The following MTPN variants were observed in gnomAD, a reference collection of about 807,000 sequenced individuals.
MTPN encodes the protein granule cell differentiation protein.
MTPN carries 2 observed loss-of-function variants against 13.5 expected under a neutral mutation model. The observed-to-expected ratio is 0.15, with a 90% CI of 0.06 to 0.47. MTPN has a LOEUF of 0.47. Ranked by LOEUF, MTPN falls within the 20% of genes least tolerant of loss-of-function variation. MTPN has a pLI of 0.97. For synonymous variants in MTPN, 46 were observed against 51.7 expected, an observed-to-expected ratio of 0.89 and a Z score of 0.48; for missense variants, 79 against 137.9, an observed-to-expected ratio of 0.57 and a Z score of 2.14.
chr7:135,939,308 C>G (rs1037096086), intron 3 of MTPN, among the ~76,000 whole-genome samples: 1 of 152,104 alleles, frequency 6.6e-6, no homozygotes, highest in African/African-American at 2.4e-5. Flanking sequence ...GCTGGGATTT[C>G]CCAGGCAGCT....
At chr7:135,941,460 C>G (rs574808214) in intron 3 of MTPN, among the ~76,000 whole-genome samples, 35 of 135,962 alleles carry the variant, frequency 2.6e-4, no homozygotes, top group Admixed American at 1.9e-3. Flanking sequence ...ATGCTGTTGT[C>G]TCATCTCTTT....
intron 1 of MTPN, among the ~76,000 whole-genome samples, chr7:135,971,660 T>C (rs1028733786): frequency 3.3e-5 from 5 of 152,204 alleles, no homozygotes; most frequent in Non-Finnish European, 5.9e-5. Flanking sequence ...TTATTAATAA[T>C]GCTCATGGCT....
At chr7:135,959,425 AAC>A (rs1397936454) in intron 1 of MTPN, among the ~76,000 whole-genome samples, 1 of 152,170 alleles carries the variant, frequency 6.6e-6, no homozygotes, top group Non-Finnish European at 1.5e-5. Context: ...TGTAAACACT[AAC>A]AATCATTCCC....
At chr7:135,951,391 A>C (rs1799361865) in intron 2 of MTPN, 126 bp downstream of exon 2, 5 of 505,260 alleles carry the variant, frequency 9.9e-6, no homozygotes. Flanking sequence ...ATTTGGCATA[A>C]TTTCAGACTG....
chr7:135,970,353 C>T (rs1168804577), intron 1 of MTPN, among the ~76,000 whole-genome samples: 1 of 152,148 alleles, frequency 6.6e-6, no homozygotes, highest in Non-Finnish European at 1.5e-5. Flanking sequence ...CTTTACCTTT[C>T]AGTCCTAACT....
At chr7:135,971,081 T>C (rs1179154858) in intron 1 of MTPN, among the ~76,000 whole-genome samples, 1 of 152,210 alleles carries the variant, frequency 6.6e-6, no homozygotes, top group East Asian at 1.9e-4. Flanking sequence ...AAGATTAGAG[T>C]TGATATCTTT....
At chr7:135,960,069 A>G (rs1799498532) in intron 1 of MTPN, among the ~76,000 whole-genome samples, 1 of 152,102 alleles carries the variant, frequency 6.6e-6, no homozygotes, top group Non-Finnish European at 1.5e-5. Flanking sequence ...AGTTTTGGGA[A>G]CTGTGGCAAG....
chr7:135,969,109 G>A (rs1799652691), intron 1 of MTPN, among the ~76,000 whole-genome samples: 1 of 129,508 alleles, frequency 7.7e-6, no homozygotes, highest in Non-Finnish European at 1.6e-5. Context: ...GAGGAGGGAG[G>A]GATAGCATTG....
rs1017948573 is a variant in MTPN, at chr7:135,929,791, T to C, written c.*135A>G. 8 of 856,896 alleles carry C rather than the reference T, an allele frequency of 9.3e-6. No homozygotes were observed. The highest frequency in any genetic ancestry group is 1.5e-5 in the Non-Finnish European group (8 of 533,002). 53.1% of individuals were successfully genotyped at this position (856,896 alleles called of 1,614,324 possible). A position where few individuals can be genotyped will look rare whatever the true frequency, so the allele number is the denominator to read the frequency against. ...TTTTTTCTGGTAGTCGGATTTGTTA[T>C]GAATTTCTCTCTCCCCTCACCCCTC... On this transcript the variant is annotated 3_prime_UTR_variant, in exon 4 of 4. Coordinates refer to ENST00000393085, the MANE Select transcript of MTPN (RefSeq NM_145808.4).
chr7:135,933,809 A>G (rs1325426146), intron 3 of MTPN, among the ~76,000 whole-genome samples: 5 of 152,142 alleles, frequency 3.3e-5, no homozygotes, highest in South Asian at 4.1e-4. Context: ...ATAATTCCCA[A>G]TGTTGGAGGT....
intron 1 of MTPN, among the ~76,000 whole-genome samples, chr7:135,953,599 AAT>A (rs2116379812): frequency 6.6e-6 from 1 of 152,322 alleles, no homozygotes; most frequent in African/African-American, 2.4e-5. Flanking sequence ...CTATGTATGT[AAT>A]AGGTATACTC....
intron 1 of MTPN, among the ~76,000 whole-genome samples, chr7:135,957,745 C>T (rs1474510277): frequency 2.0e-5 from 3 of 152,162 alleles, no homozygotes; most frequent in Non-Finnish European, 4.4e-5. Context: ...AATGTTCTCA[C>T]TGGGTGTGAG....
chr7:135,977,356 A>C lies in MTPN; in HGVS notation c.-256T>G, dbSNP rs1799798054. On this transcript the variant is annotated 5_prime_UTR_variant, in exon 1 of 4. Coordinates refer to ENST00000393085, the MANE Select transcript of MTPN (RefSeq NM_145808.4). Reference sequence around the variant, plus strand: ...GCCGAGGAGAGGCAGGAACCTTTACACTTCCGGTTCACTCCCCGCTAGGAC... The same window carrying C: ...GCCGAGGAGAGGCAGGAACCTTTACCCTTCCGGTTCACTCCCCGCTAGGAC... 1.3e-5 allele frequency: 7 copies of C among 533,142 alleles called. No individual in the cohort carries two copies. Among genetic ancestry groups the C allele is most frequent in the Middle Eastern group, 5.0e-4 (1 of 1,990 alleles). The allele number at this position is 533,142 out of a possible 1,614,324, so 33.0% of individuals were successfully genotyped here.
intron 3 of MTPN, among the ~76,000 whole-genome samples, chr7:135,944,717 A>G (rs1799264098): frequency 6.6e-6 from 1 of 152,218 alleles, no homozygotes; most frequent in Admixed American, 6.5e-5. Flanking sequence ...CTACAGGCAA[A>G]CTACTATTAT....
intron 3 of MTPN, among the ~76,000 whole-genome samples, chr7:135,949,745 G>C (rs1373339097): frequency 6.6e-6 from 1 of 152,140 alleles, no homozygotes; most frequent in African/African-American, 2.4e-5. Flanking sequence ...TTCAGCCTTA[G>C]TTATAATAAA....
intron 3 of MTPN, among the ~76,000 whole-genome samples, chr7:135,939,995 A>G (rs1277245878): frequency 1.3e-5 from 2 of 152,216 alleles, no homozygotes; most frequent in African/African-American, 4.8e-5. Context: ...TAAAAATACT[A>G]TCTTGTCTAA....
At chr7:135,969,967 T>C (rs532057993) in intron 1 of MTPN, among the ~76,000 whole-genome samples, 1 of 152,252 alleles carries the variant, frequency 6.6e-6, no homozygotes, top group East Asian at 1.9e-4. Flanking sequence ...GAACCATCGG[T>C]CTCATGTCTG....
chr7:135,956,181 TG>T (rs1799441687), intron 1 of MTPN, among the ~76,000 whole-genome samples: 1 of 152,170 alleles, frequency 6.6e-6, no homozygotes, highest in South Asian at 2.1e-4. Flanking sequence ...GATGCACCGG[TG>T]GTAGGTCCAA....
chr7:135,935,412 T>C (rs143547033), intron 3 of MTPN, among the ~76,000 whole-genome samples: 5 of 152,280 alleles, frequency 3.3e-5, no homozygotes, highest in Non-Finnish European at 7.4e-5. Context: ...CTAAATTTTT[T>C]TGTATTTTTA....
Sources: gnomAD v4.1 joint callset for allele counts (sites outside exome capture counted in the v4.1 genomes callset) on GRCh38, gnomAD v4.1.1 for gene constraint, MANE v1.5 for transcripts, NCBI Gene and HGNC (gene_info 2026-07-23, HGNC 2026-07-21) for gene names.